Variants in ARHGAP15 observed in about 807,000 individuals in gnomAD.
The protein encoded by ARHGAP15 is Rho GTPase activating protein 15.
Under a neutral mutation model 63.7 loss-of-function variants are expected in ARHGAP15, and 51 were observed. That is an observed-to-expected ratio of 0.80 (90% CI 0.64 to 1.01). ARHGAP15 has a LOEUF of 1.01. Among genes scored for constraint, ARHGAP15 ranks in the 50% least tolerant of loss-of-function variants. The probability of loss-of-function intolerance (pLI) is 0.00; values close to 1 mark genes in which losing one functional copy is unlikely to be tolerated. For synonymous variants in ARHGAP15, 191 were observed against 193.8 expected (o/e 0.99, Z 0.12); for missense variants, 560 against 564.6 (o/e 0.99, Z 0.08).
chr2:143,587,744 A>C (rs1174901039), intron 11 of ARHGAP15: 1 of 470,494 alleles, frequency 2.1e-6, no homozygotes, highest in East Asian at 6.9e-5. Context: ...GGACACCCCT[A>C]GTAAGCTGCA....
chr2:143,634,796 C>G (rs1056810766), intron 12 of ARHGAP15, among the ~76,000 whole-genome samples: 8 of 152,250 alleles, frequency 5.3e-5, no homozygotes, highest in African/African-American at 1.9e-4. Flanking sequence ...CTCCTTTGTT[C>G]TGCCAGATGT....
intron 6 of ARHGAP15, among the ~76,000 whole-genome samples, chr2:143,330,094 C>CAAAAAAAAAAA (rs1303438123): frequency 4.2e-3 from 7 of 1,682 alleles, no homozygotes; most frequent in East Asian, 0.083. Flanking sequence ...GGCTCTGTCT[C>CAAAAAAAAAAA]AAAAAAAAAA....
At chr2:143,576,333 C>T (rs1696680059) in intron 11 of ARHGAP15, among the ~76,000 whole-genome samples, 2 of 152,080 alleles carry the variant, frequency 1.3e-5, no homozygotes, top group Admixed American at 1.3e-4. Context: ...ACAGTTGTTT[C>T]TTGGTGACTG....
intron 6 of ARHGAP15, among the ~76,000 whole-genome samples, chr2:143,275,128 A>G (rs1326799706): frequency 2.0e-5 from 3 of 152,186 alleles, no homozygotes; most frequent in African/African-American, 7.2e-5. Flanking sequence ...ACTGCACTCC[A>G]GCCCGGACAA....
intron 13 of ARHGAP15, among the ~76,000 whole-genome samples, chr2:143,746,723 C>G (rs115097578): frequency 6.6e-6 from 1 of 151,942 alleles, no homozygotes; most frequent in Non-Finnish European, 1.5e-5. Flanking sequence ...AATAACTTAG[C>G]GATAAAAATA....
chr2:143,435,971 C>T (rs1689596650), intron 7 of ARHGAP15, among the ~76,000 whole-genome samples: 1 of 151,634 alleles, frequency 6.6e-6, no homozygotes, highest in Admixed American at 6.6e-5. Context: ...CTGTAAAAAG[C>T]ACACAAGCAC....
At chr2:143,193,193 T>C (rs1161470540) in intron 2 of ARHGAP15, among the ~76,000 whole-genome samples, 2 of 152,190 alleles carry the variant, frequency 1.3e-5, no homozygotes, top group Non-Finnish European at 2.9e-5. Context: ...TTGTCACTTG[T>C]AGTATTATGC....
At chr2:143,413,966 T>TGTGTGTGTGTGTGCAC in intron 6 of ARHGAP15, among the ~76,000 whole-genome samples, 1 of 117,910 alleles carries the variant, frequency 8.5e-6, no homozygotes, top group African/African-American at 3.5e-5. Context: ...TGTGTGTGTG[T>TGTGTGTGTGTGTGCAC]GCGCGCTCTC....
At chr2:143,458,395 A>G (rs1227325172) in intron 8 of ARHGAP15, among the ~76,000 whole-genome samples, 1 of 152,184 alleles carries the variant, frequency 6.6e-6, no homozygotes, top group Admixed American at 6.6e-5. Flanking sequence ...AAGTAGGACC[A>G]GAGCTTTGAC....
intron 4 of ARHGAP15, among the ~76,000 whole-genome samples, chr2:143,220,590 T>C (rs1276856366): frequency 6.6e-6 from 1 of 152,214 alleles, no homozygotes; most frequent in East Asian, 1.9e-4. Flanking sequence ...TGAATCTTAG[T>C]ATGCACTGCC....
At chr2:143,563,560 A>C (rs1365104231) in intron 11 of ARHGAP15, among the ~76,000 whole-genome samples, 2 of 152,146 alleles carry the variant, frequency 1.3e-5, no homozygotes, top group Non-Finnish European at 2.9e-5. Flanking sequence ...AGGGGAGCGA[A>C]GTCTACTGAA....
intron 13 of ARHGAP15, among the ~76,000 whole-genome samples, chr2:143,721,025 G>C (rs1685031595): frequency 7.5e-6 from 1 of 133,174 alleles, no homozygotes; most frequent in South Asian, 2.5e-4. Context: ...GAGAGCCACT[G>C]CGCTCCAGCC....
At chr2:143,634,537 C>T (rs1221041836) in intron 12 of ARHGAP15, among the ~76,000 whole-genome samples, 2 of 152,126 alleles carry the variant, frequency 1.3e-5, no homozygotes, top group Non-Finnish European at 2.9e-5. Flanking sequence ...AGAATATAAT[C>T]AGAGTGTCCT....
chr2:143,473,761 A>G (rs1039622846), intron 8 of ARHGAP15, among the ~76,000 whole-genome samples: 2 of 152,152 alleles, frequency 1.3e-5, no homozygotes, highest in Non-Finnish European at 2.9e-5. Context: ...TTTCCTTTCG[A>G]TTTTAAACCT....
At chr2:143,145,443 C>T (rs1291230026) in intron 1 of ARHGAP15, among the ~76,000 whole-genome samples, 1 of 152,044 alleles carries the variant, frequency 6.6e-6, no homozygotes, top group Admixed American at 6.6e-5. Context: ...TTCTACCTTT[C>T]TATTGCCAAT....
intron 6 of ARHGAP15, among the ~76,000 whole-genome samples, chr2:143,327,467 G>T (rs146378854): frequency 6.1e-4 from 93 of 152,192 alleles, no homozygotes; most frequent in African/African-American, 2.1e-3. Context: ...GAATAAAGCC[G>T]GAGGCATCAC....
At chr2:143,624,713 C>T (rs1698770729) in intron 12 of ARHGAP15, among the ~76,000 whole-genome samples, 1 of 152,128 alleles carries the variant, frequency 6.6e-6, no homozygotes, top group South Asian at 2.1e-4. Flanking sequence ...ACATCATGTT[C>T]TCTTGGTTCA....
At chr2:143,299,445 T>C (rs1053304457) in intron 6 of ARHGAP15, among the ~76,000 whole-genome samples, 8 of 151,996 alleles carry the variant, frequency 5.3e-5, no homozygotes, top group Admixed American at 1.3e-4. Context: ...AATGCTTTAT[T>C]GATGACATCT....
chr2:143,425,398 T>C (rs1689099511), intron 6 of ARHGAP15, among the ~76,000 whole-genome samples: 2 of 151,962 alleles, frequency 1.3e-5, no homozygotes, highest in Non-Finnish European at 2.9e-5. Context: ...ACATATTATA[T>C]ATAACTTTAT....
Sources: gnomAD v4.1 joint callset for allele counts (sites outside exome capture counted in the v4.1 genomes callset) on GRCh38, gnomAD v4.1.1 for gene constraint, MANE v1.5 for transcripts, NCBI Gene and HGNC (gene_info 2026-07-23, HGNC 2026-07-21) for gene names.